MYEF2: variants seen among roughly 807,000 people sequenced by gnomAD.
The protein encoded by MYEF2 is myelin gene expression factor 2.
Under a neutral mutation model 75.2 loss-of-function variants are expected in MYEF2, and 37 were observed. That is an observed-to-expected ratio of 0.49 (90% CI 0.38 to 0.65). The LOEUF is 0.65. Among genes scored for constraint, MYEF2 ranks in the 30% least tolerant of loss-of-function variants. MYEF2 has a pLI of 0.00. For synonymous variants in MYEF2, 195 were observed against 241.6 expected, an observed-to-expected ratio of 0.81 and a Z score of 1.79; for missense variants, 634 against 771.4, an observed-to-expected ratio of 0.82 and a Z score of 2.11.
chr15:48,136,782 T>G lies in MYEF2; in HGVS notation c.*6126A>C, dbSNP rs1267058809. ...AATATATTATAAAGAAATGCAGTCCTTGCTGCGCCTGTCTTGCCAAAGCTA... is the reference window on the plus strand; with the variant it reads ...AATATATTATAAAGAAATGCAGTCCGTGCTGCGCCTGTCTTGCCAAAGCTA... On this transcript the variant is annotated 3_prime_UTR_variant, in exon 17 of 17. Transcript: ENST00000324324. 6.2e-7 allele frequency: 1 copy of G among 1,613,750 alleles called. No homozygotes were observed. The highest frequency in any genetic ancestry group is 2.2e-5 in the East Asian group (1 of 44,866).
At chr15:48,151,021 T>C in intron 14 of MYEF2, 79 bp downstream of exon 14, 1 of 931,270 alleles carries the variant, frequency 1.1e-6, no homozygotes, top group Non-Finnish European at 1.7e-6. Flanking sequence ...AGTATTACTA[T>C]ACTACGATAA....
chr15:48,158,047 ACTTGTCATC>A lies in MYEF2; in HGVS notation c.922_930del (p.Asp308_Lys310del). On this transcript the variant is annotated inframe_deletion and splice_region_variant, in exon 9 of 17. Transcript: ENST00000324324. ...GAACGGTACTCTTCATGAGGAACAG[ACTTGTCATC>A]CTAATTGCAAGAAAGTTTATAATAT... The A allele has an allele frequency of 6.2e-7, 1 of 1,613,162 alleles. No individual in the cohort carries two copies. Among genetic ancestry groups the A allele is most frequent in the Non-Finnish European group, 8.5e-7 (1 of 1,179,406 alleles).
chr15:48,151,782 T>C, intron 12 of MYEF2, 92 bp downstream of exon 12: 1 of 1,460,054 alleles, frequency 6.8e-7, no homozygotes, highest in Non-Finnish European at 9.6e-7. Flanking sequence ...CTGAAGACAT[T>C]TTTAGCACAC....
Position 48,139,365 on chromosome 15 carries a change from T to C in MYEF2, c.*3543A>G. 1 of 483,164 alleles carries C rather than the reference T, an allele frequency of 2.1e-6. No homozygotes were observed. The highest frequency in any genetic ancestry group is 3.7e-6 in the Non-Finnish European group (1 of 271,150). The allele number at this position is 483,164 out of a possible 1,614,324, so 29.9% of individuals were successfully genotyped here. On this transcript the variant is annotated 3_prime_UTR_variant, in exon 17 of 17. Coordinates refer to ENST00000324324, the MANE Select transcript of MYEF2 (RefSeq NM_016132.5). ...GAGTTTGTGAGTTGCATATTATATATAAACTGTATTTTCCACTGTTATTTA... is the reference window on the plus strand; with the variant it reads ...GAGTTTGTGAGTTGCATATTATATACAAACTGTATTTTCCACTGTTATTTA...
intron 16 of MYEF2, among the ~76,000 whole-genome samples, chr15:48,143,841 T>C (rs966140375): frequency 6.6e-6 from 1 of 152,078 alleles, no homozygotes; most frequent in African/African-American, 2.4e-5. Context: ...ATCAATACCA[T>C]TTATCAAAAT....
intron 16 of MYEF2, 87 bp from the exon 17 acceptor site, chr15:48,143,158 TGA>T: frequency 1.3e-6 from 1 of 763,310 alleles, no homozygotes; most frequent in Non-Finnish European, 1.9e-6. Context: ...TAGCCAATTG[TGA>T]TAATTAATTT....
intron 5 of MYEF2, among the ~76,000 whole-genome samples, chr15:48,160,917 A>G (rs2039916939): frequency 6.6e-6 from 1 of 152,134 alleles, no homozygotes; most frequent in Non-Finnish European, 1.5e-5. Flanking sequence ...CAAAACATAT[A>G]AGTTAATAAA....
intron 9 of MYEF2, among the ~76,000 whole-genome samples, chr15:48,156,131 A>G (rs1266288987): frequency 6.6e-6 from 1 of 152,130 alleles, no homozygotes; most frequent in African/African-American, 2.4e-5. Context: ...AAAATGCTCC[A>G]TAGCAAAACC....
chr15:48,143,659 G>A (rs2140793168), intron 16 of MYEF2, among the ~76,000 whole-genome samples: 1 of 152,094 alleles, frequency 6.6e-6, no homozygotes, highest in East Asian at 1.9e-4. Flanking sequence ...CACCAAATAT[G>A]CTACGGAAAT....
At chr15:48,144,104 C>G (rs1358364400) in intron 16 of MYEF2, among the ~76,000 whole-genome samples, 14 of 151,994 alleles carry the variant, frequency 9.2e-5, no homozygotes, top group African/African-American at 1.9e-4. Flanking sequence ...GTTGCCAGAT[C>G]ACTATGGGCT....
rs2055350817 is a variant in MYEF2, at chr15:48,136,540, T to C, written c.*6368A>G. 5.2e-6 allele frequency: 4 copies of C among 773,680 alleles called. No homozygotes were observed. The highest frequency in any genetic ancestry group is 3.2e-5 in the Admixed American group (1 of 31,012). 47.9% of individuals were successfully genotyped at this position (773,680 alleles called of 1,614,324 possible). On this transcript the variant is annotated 3_prime_UTR_variant, in exon 17 of 17. Coordinates refer to ENST00000324324, the MANE Select transcript of MYEF2 (RefSeq NM_016132.5). ...TGCTGTAATCAAGTCTGGACAAATC[T>C]ACAAAACAAAAAATATCTAGAAATG...
At chr15:48,155,298 GA>G (rs1229879041) in intron 9 of MYEF2, among the ~76,000 whole-genome samples, 1 of 151,120 alleles carries the variant, frequency 6.6e-6, no homozygotes, top group Non-Finnish European at 1.5e-5. Context: ...AACTACTAGA[GA>G]AAAAAAATCA....
At chr15:48,167,176 G>A (rs182599467) in intron 3 of MYEF2, among the ~76,000 whole-genome samples, 173 bp downstream of exon 3, 124 of 152,142 alleles carry the variant, frequency 8.2e-4, no homozygotes, top group African/African-American at 2.9e-3. Flanking sequence ...ATCCCTTCCA[G>A]GCAGCTAGGT....
At chr15:48,153,620 T>G (rs1038912775) in intron 10 of MYEF2, 172 bp downstream of exon 10, 1 of 581,840 alleles carries the variant, frequency 1.7e-6, no homozygotes, top group African/African-American at 1.9e-5. Context: ...TGCCTATCTC[T>G]TTCATGTTAG....
rs114906353 is a variant in MYEF2, at chr15:48,158,127, T to C, written c.921+48A>G. On this transcript the variant is annotated intron_variant, in intron 8 of 16. Coordinates refer to ENST00000324324, the MANE Select transcript of MYEF2 (RefSeq NM_016132.5). ...GAACTGTAATGTAGAAGAGAGCCAA[T>C]AAAAGATCTGAAGAGGTTGGAGGTT... 1.3e-3 allele frequency: 2,119 copies of C among 1,611,424 alleles called. 23 individuals are homozygous for C. In the African/African-American group the frequency reaches 0.026, roughly 20 times the overall value.
chr15:48,168,646 G>A lies in MYEF2; in HGVS notation c.355C>T (p.Leu119=). Residue 119 remains leucine (L), a synonymous_variant, in exon 2 of 17, where the codon CTA becomes TTA. Coordinates refer to ENST00000324324, the MANE Select transcript of MYEF2 (RefSeq NM_016132.5). ...YDMKWQAIKD[L]MREKVGEVTY... ...AGATAGTTACCTTTCTCTCTCATTA[G>A]ATCTTTAATAGCTTGCCATTTCATG... 4 of 1,612,902 alleles carry A rather than the reference G, an allele frequency of 2.5e-6. No individual in the cohort carries two copies. Among genetic ancestry groups the A allele is most frequent in the Non-Finnish European group, 3.4e-6 (4 of 1,179,136 alleles).
intron 16 of MYEF2, 80 bp downstream of exon 16, chr15:48,148,952 T>C: frequency 6.8e-7 from 1 of 1,461,980 alleles, no homozygotes; most frequent in African/African-American, 1.4e-5. Context: ...GGCAAAGGTC[T>C]AAACACAGTG....
chr15:48,150,851 A>C (rs2039465582), intron 14 of MYEF2, among the ~76,000 whole-genome samples: 1 of 152,132 alleles, frequency 6.6e-6, no homozygotes, highest in Non-Finnish European at 1.5e-5. Flanking sequence ...GTTGGAAAGA[A>C]GGTTCCTGGA....
Position 48,141,178 on chromosome 15 carries a change from C to G in MYEF2, c.*1730G>C. 1 of 1,613,834 alleles carries G rather than the reference C, an allele frequency of 6.2e-7. No homozygotes were observed. Among genetic ancestry groups the G allele is most frequent in the East Asian group, 2.2e-5 (1 of 44,868 alleles). On this transcript the variant is annotated 3_prime_UTR_variant, in exon 17 of 17. Coordinates refer to ENST00000324324, the MANE Select transcript of MYEF2 (RefSeq NM_016132.5). Reference sequence around the variant, plus strand: ...TTTATTAGCAGCAGGAACAAGCATACCAGACACAATTGCAAGTGTGTTGGT... The same window carrying G: ...TTTATTAGCAGCAGGAACAAGCATAGCAGACACAATTGCAAGTGTGTTGGT...
Sources: allele counts gnomAD v4.1 joint callset (sites outside exome capture counted in the v4.1 genomes callset), GRCh38; gene constraint gnomAD v4.1.1; transcripts MANE v1.5; gene names NCBI Gene and HGNC (gene_info 2026-07-23, HGNC 2026-07-21).